Variants in LCAT observed in about 807,000 individuals in gnomAD.
LCAT encodes phosphatidylcholine-sterol acyltransferase.
In LCAT, 15 loss-of-function variants were observed where a neutral mutation model predicts 41.0. The observed-to-expected ratio is 0.37, with a 90% CI of 0.24 to 0.56. The LOEUF (loss-of-function observed/expected upper bound fraction) is 0.56. LCAT is among the 20% of genes least tolerant of loss of function. The pLI is 0.81. For synonymous variants in LCAT, 248 were observed against 245.4 expected, an observed-to-expected ratio of 1.01 and a Z score of -0.10; for missense variants, 449 against 595.1, an observed-to-expected ratio of 0.75 and a Z score of 2.55.
chr16:67,940,580 C>A, intron 5 of LCAT, 102 bp from the exon 6 acceptor site: 1 of 1,537,354 alleles, frequency 6.5e-7, no homozygotes, highest in Non-Finnish European at 8.8e-7. Context: ...CTTGTCCCTG[C>A]CCAATCTAGA....
rs199717050 is a variant in LCAT at position 67,942,920 on chromosome 16, C to T, written c.368G>A (p.Arg123His). 9.7e-5 allele frequency: 157 copies of T among 1,613,756 alleles called. No homozygotes were observed. The highest frequency in any genetic ancestry group is 1.6e-4 in the Middle Eastern group (1 of 6,082). ...LVSNAPGVQI[R>H]VPGFGKTYSV... is the part of the protein sequence containing the mutation. The stretch of plus-strand genomic sequence containing the variant: ...GTAGGTCTTGCCAAAGCCAGGGACG[C>T]GGATCTGGACACCAGGGGCGTTGGA... Residue 123 changes from arginine (R) to histidine (H), a missense_variant, in exon 3 of 6, where the codon CGC becomes CAC. By Grantham distance (29) the Arg-to-His change is conservative. Coordinates refer to ENST00000264005, the MANE Select transcript of LCAT (RefSeq NM_000229.2). The surrounding 1 kb of genome is among the most constrained non-coding windows in gnomAD (Gnocchi z 6.6).
In LCAT at chr16:67,940,247, C is replaced by A. The variant is rs751757278; in HGVS notation, c.980G>T (p.Gly327Val). The A allele has an allele frequency of 2.5e-5, 40 of 1,613,658 alleles. No homozygotes were observed. Among genetic ancestry groups the A allele is most frequent in the Non-Finnish European group, 3.3e-5 (39 of 1,180,008 alleles). ...MWLQSRDLLA[G>V]LPAPGVEVYC... ...TACTTCCACACCAGGTGCTGGGAGT[C>A]CTGCCAGGAGGTCACGTGACTGCAG... Residue 327 changes from glycine to valine, a missense_variant, in exon 6 of 6, where the codon GGA becomes GTA. Coordinates refer to ENST00000264005, the MANE Select transcript of LCAT (RefSeq NM_000229.2).
Position 67,942,751 on chromosome 16 carries a change from A to G in LCAT, c.443T>C (p.Leu148Pro). The change falls in exon 4 of 6, where the codon CTG becomes CCG. Residue 148 changes from leucine (L) to proline (P), a missense_variant. Leu to Pro is a moderately conservative substitution (Grantham distance 98). Transcript: ENST00000264005. This position sits in a 1 kb window ranked among gnomAD's most constrained non-coding sequence, Gnocchi z 6.6. The part of the protein sequence containing the change: ...SSKLAGYLHT[L>P]VQNLVNNGYV... ...GCCATTGTTGACCAGGTTCTGCACC[A>G]GTGTGTGCAGGTACCCTGTGGGGGG... 3 of 1,612,862 alleles carry G rather than the reference A, an allele frequency of 1.9e-6. No homozygotes were observed. Among genetic ancestry groups the G allele is most frequent in the Non-Finnish European group, 2.5e-6 (3 of 1,179,910 alleles).
rs765713306 is a variant in LCAT, at chr16:67,940,161, G to A, written c.1066C>T (p.Pro356Ser). The A allele has an allele frequency of 6.2e-7, 1 of 1,613,598 alleles. No homozygotes were observed. Among genetic ancestry groups the A allele is most frequent in the East Asian group, 2.2e-5 (1 of 44,858 alleles). Residue 356 changes from proline to serine, a missense_variant, in exon 6 of 6, where the codon CCC (proline) becomes TCC (serine). Coordinates refer to ENST00000264005, the MANE Select transcript of LCAT (RefSeq NM_000229.2). ...AGCACACCCACAGGGTCCGTGTAGG[G>A]GAAGCCGTGGTCGTAGATGTAGGTG... ...PRTYIYDHGF[P>S]YTDPVGVLYE...
At position 67,942,375 on chromosome 16, in the gene LCAT, C is replaced by T. The variant is rs2058296123; in HGVS notation, c.736G>A (p.Val246Ile). The T allele has an allele frequency of 8.7e-6, 14 of 1,613,878 alleles. No homozygotes were observed. The highest frequency in any genetic ancestry group is 1.2e-5 in the Non-Finnish European group (14 of 1,179,986). The change falls in exon 5 of 6, where the codon GTC (valine) becomes ATC (isoleucine). Residue 246 changes from valine to isoleucine, a missense_variant. Physicochemically the swap from Val to Ile is conservative, Grantham distance 29. Transcript: ENST00000264005. The surrounding 1 kb of genome is among the most constrained non-coding windows in gnomAD (Gnocchi z 6.6). ...PWGGSIKPML[V>I]LASGDNQGIP... ...GAGGCCTTCTCACCTGAGGCCAAGA[C>T]CAGCATGGGCTTGATGGAGCCACCC...
Position 67,939,763 on chromosome 16 carries a change from G to GCCT in LCAT, c.*138_*140dup, listed in dbSNP as rs2058282101. The GCCT allele has an allele frequency of 7.0e-6, 10 of 1,435,590 alleles. No homozygotes were observed. The South Asian group carries it at 1.4e-4, about 20-fold the overall frequency. 88.9% of individuals were successfully genotyped at this position (1,435,590 alleles called of 1,614,324 possible). A position where few individuals can be genotyped will look rare whatever the true frequency, so the allele number is the denominator to read the frequency against. On this transcript the variant is annotated 3_prime_UTR_variant, in exon 6 of 6. Transcript: ENST00000264005. ...TCTAGGGTGCCCAGCTCAGTCCCAGGCCTCAGCAGAGCCCATCTTGCCTCA... is the reference window on the plus strand; with the variant it reads ...TCTAGGGTGCCCAGCTCAGTCCCAGGCCTCCTCAGCAGAGCCCATCTTGCCTCA...
chr16:67,942,661 A>G lies in LCAT; in HGVS notation c.523+10T>C. On this transcript the variant is annotated intron_variant, in intron 4 of 5. Transcript: ENST00000264005. The surrounding 1 kb of genome is among the most constrained non-coding windows in gnomAD (Gnocchi z 6.6). ...CCCACCCCAAGCCGGTCATCCGCAG[A>G]GACACTCACCGGGCTCCAGCCGCCA... 6.2e-7 allele frequency: 1 copy of G among 1,612,828 alleles called. No individual in the cohort carries two copies. Among genetic ancestry groups the G allele is most frequent in the East Asian group, 2.2e-5 (1 of 44,886 alleles).
In LCAT at chr16:67,940,123, A is replaced by G. The variant is rs2151319877; in HGVS notation, c.1104T>C (p.Gly368=). Residue 368 remains glycine, a synonymous_variant, in exon 6 of 6, where the codon GGT becomes GGC. Transcript: ENST00000264005. ...TGCTGCGGGTCGCCACCGTGTCATCACCATCCTCATAGAGCACACCCACAG... is the reference window on the plus strand; with the variant it reads ...TGCTGCGGGTCGCCACCGTGTCATCGCCATCCTCATAGAGCACACCCACAG... ...TDPVGVLYED[G]DDTVATRSTE... 1 of 1,613,282 alleles carries G rather than the reference A, an allele frequency of 6.2e-7. No homozygotes were observed. The highest frequency in any genetic ancestry group is 8.5e-7 in the Non-Finnish European group (1 of 1,179,988).
Position 67,939,920 on chromosome 16 carries a change from G to A in LCAT, c.1307C>T (p.Pro436Leu). The change falls in exon 6 of 6, where the codon CCC becomes CTC. Residue 436 changes from proline (P) to leucine (L), a missense_variant. Coordinates refer to ENST00000264005, the MANE Select transcript of LCAT (RefSeq NM_000229.2). ...PPASPTASPEPPPPE is the reference protein window; with the variant it reads ...PPASPTASPELPPPE ...GGAAGGTCTTTATTCAGGAGGCGGGGGCTCTGGGCTGGCAGTCGGGGATGC... is the reference window on the plus strand; with the variant it reads ...GGAAGGTCTTTATTCAGGAGGCGGGAGCTCTGGGCTGGCAGTCGGGGATGC... The A allele has an allele frequency of 1.2e-6, 2 of 1,612,876 alleles. No individual in the cohort carries two copies. The highest frequency in any genetic ancestry group is 1.7e-6 in the Non-Finnish European group (2 of 1,179,514).
chr16:67,941,950 T>G (rs2058293756), intron 5 of LCAT: 1 of 1,177,562 alleles, frequency 8.5e-7, no homozygotes, highest in Non-Finnish European at 1.1e-6. Flanking sequence ...CTGGTGCCAC[T>G]CCCTAGGGAA....
At chr16:67,941,899 AG>A in intron 5 of LCAT, 1 of 1,140,546 alleles carries the variant, frequency 8.8e-7, no homozygotes, top group Non-Finnish European at 1.1e-6. Flanking sequence ...CCCAGGGTAC[AG>A]GGGGTGGGGA....
At position 67,942,763 on chromosome 16, in the gene LCAT, T is replaced by A; in HGVS notation, c.431A>T (p.Tyr144Phe). 6.2e-7 allele frequency: 1 copy of A among 1,612,830 alleles called. No homozygotes were observed. The highest frequency in any genetic ancestry group is 8.5e-7 in the Non-Finnish European group (1 of 1,179,856). Residue 144 changes from tyrosine to phenylalanine, a missense_variant, in exon 4 of 6, where the codon TAC becomes TTC. Physicochemically the swap from Tyr to Phe is conservative, Grantham distance 22. Coordinates refer to ENST00000264005, the MANE Select transcript of LCAT (RefSeq NM_000229.2). This position sits in a 1 kb window ranked among gnomAD's most constrained non-coding sequence, Gnocchi z 6.6. ...CAGGTTCTGCACCAGTGTGTGCAGGTACCCTGTGGGGGGACCAGCAGCACC... is the reference window on the plus strand; with the variant it reads ...CAGGTTCTGCACCAGTGTGTGCAGGAACCCTGTGGGGGGACCAGCAGCACC... ...EYLDSSKLAGYLHTLVQNLVN... is the reference protein window; with the variant it reads ...EYLDSSKLAGFLHTLVQNLVN...
Position 67,943,660 on chromosome 16 carries a change from G to C in LCAT, c.154+288C>G. The C allele has an allele frequency of 5.6e-6, 3 of 535,250 alleles. No homozygotes were observed. Among genetic ancestry groups the C allele is most frequent in the Non-Finnish European group, 1.0e-5 (3 of 297,830 alleles). The allele number at this position is 535,250 out of a possible 1,614,324, so 33.2% of individuals were successfully genotyped here. A position where few individuals can be genotyped will look rare whatever the true frequency, so the allele number is the denominator to read the frequency against. On this transcript the variant is annotated intron_variant, in intron 1 of 5. Transcript: ENST00000264005. The surrounding 1 kb of genome is among the most constrained non-coding windows in gnomAD (Gnocchi z 4.6). ...GTGGTGGGGCTTGGCCCAGAGTCTG[G>C]TGTGGCTGTGACTGACCACAGCTTG...
Position 67,942,456 on chromosome 16 carries a change from G to A in LCAT, c.655C>T (p.Pro219Ser), listed in dbSNP as rs769919260. 1 of 1,613,834 alleles carries A rather than the reference G, an allele frequency of 6.2e-7. No individual in the cohort carries two copies. Among genetic ancestry groups the A allele is most frequent in the African/African-American group, 1.3e-5 (1 of 74,934 alleles). Residue 219 changes from proline (P) to serine (S), a missense_variant, in exon 5 of 6, where the codon CCC (proline) becomes TCC (serine). By Grantham distance (74) the Pro-to-Ser change is moderately conservative. Coordinates refer to ENST00000264005, the MANE Select transcript of LCAT (RefSeq NM_000229.2). This position sits in a 1 kb window ranked among gnomAD's most constrained non-coding sequence, Gnocchi z 6.6. ...ATAAAGCGGTCCTTCCAGGCCTGGGGCTGGCGCAGCAGGAAATAGAGCAAG... is the reference window on the plus strand; with the variant it reads ...ATAAAGCGGTCCTTCCAGGCCTGGGACTGGCGCAGCAGGAAATAGAGCAAG... ...LHLLYFLLRQPQAWKDRFIDG... is the reference protein window; with the variant it reads ...LHLLYFLLRQSQAWKDRFIDG...
chr16:67,942,579 C>T lies in LCAT; in HGVS notation c.532G>A (p.Glu178Lys), dbSNP rs2058297601. The change falls in exon 5 of 6, where the codon GAG (glutamate) becomes AAG (lysine). Residue 178 changes from glutamate to lysine, a missense_variant. Glu to Lys is a moderately conservative substitution (Grantham distance 56). Transcript: ENST00000264005. The surrounding 1 kb of genome is among the most constrained non-coding windows in gnomAD (Gnocchi z 6.6). Reference protein sequence around the residue: ...YDWRLEPGQQEEYYRKLAGLV... With the variant: ...YDWRLEPGQQKEYYRKLAGLV... ...CCTGCGAGCTTGCGGTAGTACTCCT[C>T]CTGCTGGCCTGCAGCGGGTGGAAGG... 3 of 1,613,336 alleles carry T rather than the reference C, an allele frequency of 1.9e-6. No individual in the cohort carries two copies. Among genetic ancestry groups the T allele is most frequent in the East Asian group, 2.2e-5 (1 of 44,886 alleles).
Position 67,944,117 on chromosome 16 carries a change from T to C in LCAT, c.-16A>G. ...GCGGCCCCATTCCAGCCCTGGTGCC[T>C]ACTGCCAGAGAAAGCGGCACTGGGC... On this transcript the variant is annotated 5_prime_UTR_variant, in exon 1 of 6. Transcript: ENST00000264005. This position sits in a 1 kb window ranked among gnomAD's most constrained non-coding sequence, Gnocchi z 6.6. The C allele has an allele frequency of 3.2e-6, 5 of 1,546,620 alleles. No homozygotes were observed. The highest frequency in any genetic ancestry group is 4.4e-6 in the Non-Finnish European group (5 of 1,145,448).
At chr16:67,941,752 G>C in intron 5 of LCAT, 1 of 1,004,494 alleles carries the variant, frequency 1.0e-6, no homozygotes, top group African/African-American at 1.7e-5. Flanking sequence ...TGCTCCTTGT[G>C]TGGCTTATGC....
rs774333955 is a variant in LCAT at position 67,943,962 on chromosome 16, C to T, written c.140G>A (p.Arg47Gln). The stretch of plus-strand genomic sequence containing the variant: ...TGGGGGCTTACCGAGGATGACGGGC[C>T]GTGTGTGGTTACTGAGCTCAGCCTT... The part of the protein sequence containing the change: ...TPKAELSNHT[R>Q]PVILVPGCLG... Residue 47 changes from arginine (R) to glutamine (Q), a missense_variant, in exon 1 of 6, where the codon CGG (arginine) becomes CAG (glutamine). Physicochemically the swap from Arg to Gln is conservative, Grantham distance 43. Coordinates refer to ENST00000264005, the MANE Select transcript of LCAT (RefSeq NM_000229.2). The surrounding 1 kb of genome is among the most constrained non-coding windows in gnomAD (Gnocchi z 4.6). 7.8e-6 allele frequency: 12 copies of T among 1,547,130 alleles called. No homozygotes were observed. The highest frequency in any genetic ancestry group is 6.0e-5 in the South Asian group (5 of 83,722).
Position 67,942,444 on chromosome 16 carries a change from T to C in LCAT, c.667A>G (p.Lys223Glu). 1.2e-6 allele frequency: 2 copies of C among 1,613,944 alleles called. No individual in the cohort carries two copies. The highest frequency in any genetic ancestry group is 1.1e-5 in the South Asian group (1 of 91,082). ...ATGAAGCCATCAATAAAGCGGTCCT[T>C]CCAGGCCTGGGGCTGGCGCAGCAGG... ...YFLLRQPQAW[K>E]DRFIDGFISL... The change falls in exon 5 of 6, where the codon AAG (lysine) becomes GAG (glutamate). Residue 223 changes from lysine to glutamate, a missense_variant. Lys to Glu is a moderately conservative substitution (Grantham distance 56). Coordinates refer to ENST00000264005, the MANE Select transcript of LCAT (RefSeq NM_000229.2). The surrounding 1 kb of genome is among the most constrained non-coding windows in gnomAD (Gnocchi z 6.6).
Sources: allele counts gnomAD v4.1 joint callset, GRCh38; gene constraint gnomAD v4.1.1; non-coding constraint Gnocchi (gnomAD v3.1); transcripts MANE v1.5; gene names NCBI Gene and HGNC (gene_info 2026-07-23, HGNC 2026-07-21).